IGHMBP2: variants seen among roughly 807,000 people sequenced by gnomAD.
The protein encoded by IGHMBP2 is DNA-binding protein SMUBP-2.
A neutral mutation model predicts 96.0 loss-of-function variants in IGHMBP2; 81 were observed. The observed-to-expected ratio is 0.84, with a 90% CI of 0.71 to 1.01. The LOEUF (loss-of-function observed/expected upper bound fraction) is 1.01. Among genes scored for constraint, IGHMBP2 ranks in the 50% least tolerant of loss-of-function variants. The pLI is 0.00. For synonymous variants in IGHMBP2, 557 were observed against 548.9 expected (o/e 1.01, Z -0.21); for missense variants, 1,227 against 1,306.3 (o/e 0.94, Z 0.94).
At position 68,935,290 on chromosome 11, in the gene IGHMBP2, G is replaced by C; in HGVS notation, c.1633-9G>C. On this transcript the variant is annotated splice_polypyrimidine_tract_variant and intron_variant, in intron 11 of 14. Transcript: ENST00000255078. ...GGGTGAGGAAACCACAGCCCGGCTG[G>C]TGTTTCAGGTGGACCTGCTCAGACA... The C allele has an allele frequency of 6.2e-7, 1 of 1,613,870 alleles. No individual in the cohort carries two copies. The highest frequency in any genetic ancestry group is 8.5e-7 in the Non-Finnish European group (1 of 1,179,972).
intron 7 of IGHMBP2, chr11:68,926,099 C>T (rs770410694): frequency 1.3e-5 from 2 of 152,122 alleles, no homozygotes; most frequent in Admixed American, 6.5e-5. Context: ...TAATGCCCCA[C>T]AGATCTCTGA....
intron 4 of IGHMBP2, among the ~76,000 whole-genome samples, chr11:68,908,989 C>T (rs936106330): frequency 2.0e-5 from 3 of 151,166 alleles, no homozygotes; most frequent in Non-Finnish European, 4.4e-5. Context: ...TACAGGCATG[C>T]ACCACCACGC....
chr11:68,932,442 G>A (rs1344139775), intron 8 of IGHMBP2: 1 of 152,354 alleles, frequency 6.6e-6, no homozygotes, highest in East Asian at 1.9e-4. Context: ...GGCCCGGGCA[G>A]GTCCTGGCTC....
At chr11:68,904,866 T>TCGG (rs1339209935) in intron 1 of IGHMBP2, among the ~76,000 whole-genome samples, 1 of 146,442 alleles carries the variant, frequency 6.8e-6, no homozygotes, top group Non-Finnish European at 1.5e-5. Context: ...TGGCACGATC[T>TCGG]CGGCTTACTG....
chr11:68,905,608 G>A (rs561913652), intron 1 of IGHMBP2, among the ~76,000 whole-genome samples: 24 of 152,328 alleles, frequency 1.6e-4, no homozygotes, highest in Admixed American at 5.2e-4. Flanking sequence ...AAGCAGGTGA[G>A]GGAGGCGAAT....
rs751692531 is a variant in IGHMBP2 at position 68,937,104 on chromosome 11, A to G, written c.2611+13A>G. 4 of 1,596,174 alleles carry G rather than the reference A, an allele frequency of 2.5e-6. No individual in the cohort carries two copies. Among genetic ancestry groups the G allele is most frequent in the South Asian group, 1.1e-5 (1 of 90,882 alleles). ...AAAAAAGCCAAAGGTAAGTCAACTA[A>G]TAAGAACTTGGGGCAGTGTCCCCTC... is the stretch of plus-strand genomic sequence containing the variant. On this transcript the variant is annotated intron_variant, in intron 13 of 14. Transcript: ENST00000255078.
chr11:68,921,344 C>T (rs991761123), intron 7 of IGHMBP2, among the ~76,000 whole-genome samples: 20 of 152,102 alleles, frequency 1.3e-4, no homozygotes, highest in African/African-American at 4.6e-4. Context: ...GGGGATCCTC[C>T]CACCTTGGCC....
chr11:68,929,015 GT>G (rs1859171153), intron 7 of IGHMBP2, among the ~76,000 whole-genome samples, 167 bp from the exon 8 acceptor site: 1 of 152,182 alleles, frequency 6.6e-6, no homozygotes, highest in Admixed American at 6.5e-5. Flanking sequence ...GGAACCATGA[GT>G]TTTAAAATGT....
Position 68,917,849 on chromosome 11 carries a change from C to T in IGHMBP2, c.1026C>T (p.Leu342=). 2 of 1,614,134 alleles carry T rather than the reference C, an allele frequency of 1.2e-6. No individual in the cohort carries two copies. The highest frequency in any genetic ancestry group is 1.7e-6 in the Non-Finnish European group (2 of 1,180,010). ...EREEAAMLES[L]TSANVVLATN... Reference sequence around the variant, plus strand: ...AAGAAGCAGCTATGCTCGAGAGCCTCACTTCGGCAAACGTGGTCCTTGCAA... The same window carrying T: ...AAGAAGCAGCTATGCTCGAGAGCCTTACTTCGGCAAACGTGGTCCTTGCAA... Residue 342 remains leucine (L), a synonymous_variant, in exon 7 of 15, where the codon CTC becomes CTT. Coordinates refer to ENST00000255078, the MANE Select transcript of IGHMBP2 (RefSeq NM_002180.3).
intron 4 of IGHMBP2, among the ~76,000 whole-genome samples, chr11:68,909,326 C>T (rs1255427303): frequency 2.0e-5 from 3 of 146,656 alleles, no homozygotes; most frequent in Non-Finnish European, 4.5e-5. Flanking sequence ...ATTACAGGCA[C>T]ACGCCACCAC....
chr11:68,930,354 C>T (rs769932725), intron 8 of IGHMBP2: 63 of 1,289,730 alleles, frequency 4.9e-5, no homozygotes, highest in South Asian at 2.8e-4. Context: ...CGTTGTTTTC[C>T]GAGGACCGGA....
At position 68,911,530 on chromosome 11, in the gene IGHMBP2, A is replaced by G. The variant is rs137852666; in HGVS notation, c.638A>G (p.His213Arg). ...ALSQKELAIIHGPPGTGKTTT... is the reference protein window; with the variant it reads ...ALSQKELAIIRGPPGTGKTTT... ...TCTCAGAAAGAACTTGCCATCATCC[A>G]TGGACCTCCTGGCACTGGGAAAACC... Residue 213 changes from histidine to arginine, a missense_variant, in exon 5 of 15, where the codon CAT (histidine) becomes CGT (arginine). Coordinates refer to ENST00000255078, the MANE Select transcript of IGHMBP2 (RefSeq NM_002180.3). 1 of 1,614,086 alleles carries G rather than the reference A, an allele frequency of 6.2e-7. No individual in the cohort carries two copies. The highest frequency in any genetic ancestry group is 8.5e-7 in the Non-Finnish European group (1 of 1,179,930).
At chr11:68,914,688 T>C in intron 5 of IGHMBP2, 135 bp from the exon 6 acceptor site, 1 of 937,890 alleles carries the variant, frequency 1.1e-6, no homozygotes, top group Admixed American at 1.8e-5. Context: ...GGAAAATGAA[T>C]GCAAGATTTG....
chr11:68,913,359 C>G (rs966886232), intron 5 of IGHMBP2, among the ~76,000 whole-genome samples: 2 of 152,154 alleles, frequency 1.3e-5, no homozygotes, highest in African/African-American at 4.8e-5. Context: ...TGCCTTTGGA[C>G]ATGCCAGTGG....
chr11:68,925,732 A>G (rs1859040422), intron 7 of IGHMBP2, among the ~76,000 whole-genome samples: 1 of 152,122 alleles, frequency 6.6e-6, no homozygotes, highest in African/African-American at 2.4e-5. Flanking sequence ...CTGGGTATAG[A>G]ATTCTTGGTT....
intron 9 of IGHMBP2, 99 bp downstream of exon 9, chr11:68,933,580 A>C: frequency 7.0e-7 from 1 of 1,421,212 alleles, no homozygotes; most frequent in Non-Finnish European, 9.7e-7. Flanking sequence ...AGCTTTCTGC[A>C]TGAAAGTCGA....
chr11:68,934,599 G>GCT (rs745923279), intron 11 of IGHMBP2, 41 bp downstream of exon 11: 103 of 1,438,214 alleles, frequency 7.2e-5, no homozygotes, highest in Admixed American at 2.0e-4. Context: ...AGCAGCTGGG[G>GCT]CTCACACAAC....
In IGHMBP2 at chr11:68,936,893, C is replaced by T; in HGVS notation, c.2413C>T (p.Leu805Phe). The T allele has an allele frequency of 6.2e-7, 1 of 1,609,198 alleles. No individual in the cohort carries two copies. The change falls in exon 13 of 15, where the codon CTC becomes TTC. Residue 805 changes from leucine to phenylalanine, a missense_variant. Physicochemically the swap from Leu to Phe is conservative, Grantham distance 22. Coordinates refer to ENST00000255078, the MANE Select transcript of IGHMBP2 (RefSeq NM_002180.3). ...PPAGTGGPAP[L>F]QPVPPTPAQT... is the part of the protein sequence containing the mutation. ...AGCAGGGACCGGTGGCCCAGCCCCT[C>T]TCCAGCCAGTGCCCCCTACCCCTGC...
At chr11:68,911,940 G>C (rs1858453597) in intron 5 of IGHMBP2, among the ~76,000 whole-genome samples, 1 of 152,228 alleles carries the variant, frequency 6.6e-6, no homozygotes, top group Admixed American at 6.5e-5. Context: ...GCCCGTGCAG[G>C]GGCCTGGAGT....
Sources: allele counts gnomAD v4.1 joint callset (sites outside exome capture counted in the v4.1 genomes callset), GRCh38; gene constraint gnomAD v4.1.1; transcripts MANE v1.5; gene names NCBI Gene and HGNC (gene_info 2026-07-23, HGNC 2026-07-21).